The following MAML2 variants were observed in gnomAD, a reference collection of about 807,000 sequenced individuals.
MAML2 encodes mastermind-like protein 2.
MAML2 carries 22 observed loss-of-function variants against 96.1 expected under a neutral mutation model. The observed-to-expected ratio is 0.23, with a 90% CI of 0.16 to 0.33. MAML2 has a LOEUF of 0.33. Among genes scored for constraint, MAML2 ranks in the 10% least tolerant of loss-of-function variants. MAML2 has a pLI of 1.00. For synonymous variants in MAML2, 561 were observed against 521.3 expected (o/e 1.08, Z -1.04); for missense variants, 1,367 against 1,392.4 (o/e 0.98, Z 0.29).
chr11:96,215,107 G>T (rs1007301852), intron 1 of MAML2, among the ~76,000 whole-genome samples: 2 of 152,230 alleles, frequency 1.3e-5, no homozygotes, highest in East Asian at 1.9e-4. Context: ...TTAAGAAACT[G>T]CTGCTTGCAG....
At chr11:96,174,162 G>C (rs998201177) in intron 1 of MAML2, among the ~76,000 whole-genome samples, 30 of 152,230 alleles carry the variant, frequency 2.0e-4, no homozygotes, top group African/African-American at 7.0e-4. Context: ...TCATACCCTA[G>C]AAGGAAAACC....
At chr11:96,148,543 C>T (rs1860858871) in intron 1 of MAML2, among the ~76,000 whole-genome samples, 1 of 151,628 alleles carries the variant, frequency 6.6e-6, no homozygotes, top group African/African-American at 2.4e-5. Context: ...AGGGTGCCTA[C>T]CCGCCTGAAG....
Position 96,153,221 on chromosome 11 carries a change from T to C in MAML2, c.514-59704A>G, listed in dbSNP as rs1455817800. 2.0e-5 allele frequency among the ~76,000 whole-genome samples: 3 copies of C among 151,556 alleles called. No homozygotes were observed. In the East Asian group the frequency reaches 5.8e-4, roughly 29 times the overall value. ...TCCAAAACAATGAGGCATCCCTTAA[T>C]CCCAAATGACGCTTGCTCCTACGCC... On this transcript the variant is annotated intron_variant, in intron 1 of 4. Transcript: ENST00000524717.
intron 1 of MAML2, among the ~76,000 whole-genome samples, chr11:96,209,926 G>C (rs566534032): frequency 6.6e-6 from 1 of 152,220 alleles, no homozygotes; most frequent in South Asian, 2.1e-4. Context: ...ATTTCTGGAG[G>C]CATACTTTAC....
chr11:96,155,481 C>T (rs1860994249), intron 1 of MAML2, among the ~76,000 whole-genome samples: 1 of 128,512 alleles, frequency 7.8e-6, no homozygotes, highest in South Asian at 2.5e-4. Context: ...AACAATACTA[C>T]CCACCTCATG....
chr11:96,000,955 G>A (rs1858070021), intron 2 of MAML2, among the ~76,000 whole-genome samples: 1 of 152,102 alleles, frequency 6.6e-6, no homozygotes, highest in South Asian at 2.1e-4. Flanking sequence ...ACAGAAGAAA[G>A]TATTTGGTTT....
intron 1 of MAML2, among the ~76,000 whole-genome samples, chr11:96,201,491 C>T (rs1861821064): frequency 6.6e-6 from 1 of 152,148 alleles, no homozygotes; most frequent in African/African-American, 2.4e-5. Flanking sequence ...AGGACTATTC[C>T]ACATGAATGG....
Position 96,341,820 on chromosome 11 carries a change from C to A in MAML2, c.76G>T (p.Gly26Cys). The A allele has an allele frequency of 6.3e-7, 1 of 1,593,240 alleles. No homozygotes were observed. The highest frequency in any genetic ancestry group is 8.5e-7 in the Non-Finnish European group (1 of 1,173,016). Residue 26 changes from glycine (G) to cysteine (C), a missense_variant, in exon 1 of 5, where the codon GGC (glycine) becomes TGC (cysteine). Gly to Cys is a radical substitution (Grantham distance 159). Coordinates refer to ENST00000524717, the MANE Select transcript of MAML2 (RefSeq NM_032427.4). Reference protein sequence around the residue: ...GASGAGLLGGGSVTPRVHSAI... With the variant: ...GASGAGLLGGCSVTPRVHSAI... ...CTGTGCACTCTCGGGGTGACTGAGCCCCCTCCAAGGAGCCCCGCCCCAGAG... is the reference window on the plus strand; with the variant it reads ...CTGTGCACTCTCGGGGTGACTGAGCACCCTCCAAGGAGCCCCGCCCCAGAG...
intron 1 of MAML2, among the ~76,000 whole-genome samples, chr11:96,236,290 T>C (rs1862365977): frequency 6.6e-6 from 1 of 152,192 alleles, no homozygotes; most frequent in Non-Finnish European, 1.5e-5. Context: ...AAAGAATCTT[T>C]TGCAATTGCT....
At chr11:96,144,164 C>G (rs1860778045) in intron 1 of MAML2, among the ~76,000 whole-genome samples, 1 of 152,160 alleles carries the variant, frequency 6.6e-6, no homozygotes, top group Non-Finnish European at 1.5e-5. Flanking sequence ...TGCAGCCTAA[C>G]TGATAAGACC....
Position 96,177,161 on chromosome 11 carries a change from C to T in MAML2, c.514-83644G>A, listed in dbSNP as rs2135906476. 1.3e-5 allele frequency among the ~76,000 whole-genome samples: 2 copies of T among 152,296 alleles called. 1 individual carries two copies. Among genetic ancestry groups the T allele is most frequent in the Middle Eastern group, 6.8e-3 (2 of 294 alleles). ...CTGCTGGTTTAACTCTTGATTGAACCATAAAAGTGAAGTCACCCCCAAACT... is the reference window on the plus strand; with the variant it reads ...CTGCTGGTTTAACTCTTGATTGAACTATAAAAGTGAAGTCACCCCCAAACT... On this transcript the variant is annotated intron_variant, in intron 1 of 4. Transcript: ENST00000524717.
intron 1 of MAML2, among the ~76,000 whole-genome samples, chr11:96,127,779 A>G (rs544504115): frequency 6.6e-6 from 1 of 152,296 alleles, no homozygotes; most frequent in East Asian, 1.9e-4. Context: ...ATAAAAATGA[A>G]GCAAACCTTT....
intron 1 of MAML2, among the ~76,000 whole-genome samples, chr11:96,209,947 C>T (rs111316567): frequency 2.1e-4 from 32 of 152,118 alleles, no homozygotes; most frequent in Admixed American, 2.1e-3. Flanking sequence ...GGTGAATGTT[C>T]AAAATTTTGA....
At chr11:96,136,076 C>T (rs1860626670) in intron 1 of MAML2, among the ~76,000 whole-genome samples, 1 of 150,532 alleles carries the variant, frequency 6.6e-6, no homozygotes, top group South Asian at 2.1e-4. Flanking sequence ...GATATGTAAA[C>T]ACATCTAGGA....
At chr11:96,156,023 C>T (rs1018463371) in intron 1 of MAML2, among the ~76,000 whole-genome samples, 1 of 152,124 alleles carries the variant, frequency 6.6e-6, no homozygotes, top group African/African-American at 2.4e-5. Context: ...TTGTGCTGAC[C>T]GCCCCCCACT....
chr11:96,292,085 T>C (rs1863221326), intron 1 of MAML2, among the ~76,000 whole-genome samples: 1 of 152,224 alleles, frequency 6.6e-6, no homozygotes, highest in Admixed American at 6.5e-5. Flanking sequence ...TTCCTGCACG[T>C]TATTGTCATA....
At chr11:96,128,883 G>A (rs1268118154) in intron 1 of MAML2, among the ~76,000 whole-genome samples, 3 of 152,202 alleles carry the variant, frequency 2.0e-5, no homozygotes, top group African/African-American at 7.2e-5. Flanking sequence ...GACGAAAAAA[G>A]TATAGAGTAT....
rs116262924 is a variant in MAML2 at position 96,274,123 on chromosome 11, C to T, written c.513+67260G>A. The stretch of plus-strand genomic sequence containing the variant: ...TTTTAGAAGGAGTCTCGCTCTGTAG[C>T]TCAGGCTGGAGTGCAGCGGCGCCAT... On this transcript the variant is annotated intron_variant, in intron 1 of 4. Transcript: ENST00000524717. Among the ~76,000 whole-genome samples the T allele has an allele frequency of 4.5e-3, 582 of 128,738 alleles. 4 individuals are homozygous for T. Among genetic ancestry groups the T allele is most frequent in the African/African-American group, 0.016 (545 of 33,638 alleles). 84.5% of individuals were successfully genotyped at this position (128,738 alleles called of 152,430 possible).
At chr11:96,182,507 G>A (rs1368783885) in intron 1 of MAML2, among the ~76,000 whole-genome samples, 2 of 152,088 alleles carry the variant, frequency 1.3e-5, no homozygotes, top group East Asian at 3.9e-4. Flanking sequence ...GCTACTAGAT[G>A]TAGAATTAAA....
Sources: gnomAD v4.1 joint callset for allele counts (sites outside exome capture counted in the v4.1 genomes callset) on GRCh38, gnomAD v4.1.1 for gene constraint, MANE v1.5 for transcripts, NCBI Gene and HGNC (gene_info 2026-07-23, HGNC 2026-07-21) for gene names.